DCN: variants seen among roughly 807,000 people sequenced by gnomAD.
DCN encodes the protein bone proteoglycan II.
Under a neutral mutation model 36.5 loss-of-function variants are expected in DCN, and 17 were observed. That is an observed-to-expected ratio of 0.47 (90% confidence interval 0.32 to 0.70). The LOEUF is 0.70. DCN is among the 30% of genes least tolerant of loss of function. The pLI, the probability that DCN is intolerant of heterozygous loss-of-function variation, is 0.04. For synonymous variants in DCN, 163 were observed against 161.4 expected, an observed-to-expected ratio of 1.01 and a Z score of -0.07; for missense variants, 389 against 430.1, an observed-to-expected ratio of 0.90 and a Z score of 0.84.
rs572966684 is a variant in DCN, at chr12:91,142,559, T to C, written c.*3499A>G. The C allele has an allele frequency of 6.6e-6, 1 of 152,238 alleles. No individual in the cohort carries two copies. The highest frequency in any genetic ancestry group is 1.5e-5 in the Non-Finnish European group (1 of 68,044). 9.4% of individuals were successfully genotyped at this position (152,238 alleles called of 1,614,324 possible). A position where few individuals can be genotyped will look rare whatever the true frequency, so the allele number is the denominator to read the frequency against. On this transcript the variant is annotated 3_prime_UTR_variant, in exon 8 of 8. Coordinates refer to ENST00000052754, the MANE Select transcript of DCN (RefSeq NM_001920.5). ...GCAGAAGAAGAGGAGATCCAAGTTA[T>C]GCCTAATTTATGTCATGAGAATTAC...
chr12:91,158,329 T>C lies in DCN; in HGVS notation c.505A>G (p.Thr169Ala), dbSNP rs750064319. Residue 169 changes from threonine to alanine, a missense_variant, in exon 4 of 8, where the codon ACT becomes GCT. Thr to Ala is a moderately conservative substitution (Grantham distance 58, BLOSUM62 0). Transcript: ENST00000052754. ...ATCATCTGGTTCAGTCCATTGAAAG[T>C]AACTTTTCGCACTTTGGTGATCTCA... ...ENEITKVRKV[T>A]FNGLNQMIVI... is the part of the protein sequence containing the mutation. The C allele has an allele frequency of 6.2e-7, 1 of 1,613,378 alleles. No individual in the cohort carries two copies. The highest frequency in any genetic ancestry group is 2.2e-5 in the East Asian group (1 of 44,862).
intron 5 of DCN, among the ~76,000 whole-genome samples, chr12:91,153,998 C>T (rs1881600197): frequency 6.6e-6 from 1 of 152,000 alleles, no homozygotes; most frequent in Non-Finnish European, 1.5e-5. Context: ...TTTAAAATAA[C>T]ATATTGTTCC....
At chr12:91,154,698 C>T (rs1392019257) in intron 5 of DCN, among the ~76,000 whole-genome samples, 1 of 152,158 alleles carries the variant, frequency 6.6e-6, no homozygotes, top group African/African-American at 2.4e-5. Flanking sequence ...TTTGTTTGTT[C>T]ATTTATTTTA....
In DCN at chr12:91,182,773, TGTGACTAGGTTGAAA is replaced by T. The variant is rs1263565362; in HGVS notation, c.-167_-153del. 1 of 152,034 alleles carries T rather than the reference TGTGACTAGGTTGAAA, an allele frequency of 6.6e-6. No individual in the cohort carries two copies. The highest frequency in any genetic ancestry group is 1.5e-5 in the Non-Finnish European group (1 of 67,974). 9.4% of individuals were successfully genotyped at this position (152,034 alleles called of 1,614,324 possible). On this transcript the variant is annotated 5_prime_UTR_variant, in exon 1 of 8. Transcript: ENST00000052754. ...AAGGAGGAGGGGGTAGGTGCTGCTC[TGTGACTAGGTTGAAA>T]ACCTCCTGCTTCTACTCCATAGCAC... is the stretch of plus-strand genomic sequence containing the variant.
intron 3 of DCN, among the ~76,000 whole-genome samples, chr12:91,160,393 C>T (rs3138238): frequency 0.021 from 3,139 of 151,652 alleles, 75 homozygotes; most frequent in African/African-American, 0.059. Flanking sequence ...TTTTTAAAAC[C>T]TGACTTTTAA....
intron 5 of DCN, among the ~76,000 whole-genome samples, chr12:91,155,159 G>A (rs1320987417): frequency 6.6e-6 from 1 of 152,116 alleles, no homozygotes; most frequent in South Asian, 2.1e-4. Context: ...TTAAACACAC[G>A]AGTTCTGACA....
chr12:91,156,767 C>T (rs1881805567), intron 5 of DCN, among the ~76,000 whole-genome samples: 1 of 150,042 alleles, frequency 6.7e-6, no homozygotes, highest in Non-Finnish European at 1.5e-5. Flanking sequence ...TGTGATTTTA[C>T]AATATTATAA....
rs1401960187 is a variant in DCN, at chr12:91,178,299, T to C, written c.211+43A>G. On this transcript the variant is annotated intron_variant, in intron 2 of 7. Transcript: ENST00000052754. Reference sequence around the variant, plus strand: ...CTCTCAGAGTTGCCATTCCCAAGAATAAAACAAGTAAGGTAGGTAAAGAGA... The same window carrying C: ...CTCTCAGAGTTGCCATTCCCAAGAACAAAACAAGTAAGGTAGGTAAAGAGA... 5 of 1,550,768 alleles carry C rather than the reference T, an allele frequency of 3.2e-6. No individual in the cohort carries two copies. In the South Asian group the frequency reaches 3.3e-5, roughly 10 times the overall value.
Position 91,143,336 on chromosome 12 carries a change from G to A in DCN, c.*2722C>T, listed in dbSNP as rs758563374. ...ATAGCAGCTGTGAGTTCCTTACAGA[G>A]GCCAATAAGCAGGAGACAAAAGACA... On this transcript the variant is annotated 3_prime_UTR_variant, in exon 8 of 8. Coordinates refer to ENST00000052754, the MANE Select transcript of DCN (RefSeq NM_001920.5). 6.6e-6 allele frequency: 1 copy of A among 152,244 alleles called. No individual in the cohort carries two copies. The highest frequency in any genetic ancestry group is 1.5e-5 in the Non-Finnish European group (1 of 68,022). 9.4% of individuals were successfully genotyped at this position (152,244 alleles called of 1,614,324 possible).
At position 91,142,224 on chromosome 12, in the gene DCN, C is replaced by T. The variant is rs904193837; in HGVS notation, c.*3834G>A. 3.3e-5 allele frequency: 5 copies of T among 152,280 alleles called. No homozygotes were observed. The highest frequency in any genetic ancestry group is 7.4e-5 in the Non-Finnish European group (5 of 68,026). 9.4% of individuals were successfully genotyped at this position (152,280 alleles called of 1,614,324 possible). On this transcript the variant is annotated 3_prime_UTR_variant, in exon 8 of 8. Coordinates refer to ENST00000052754, the MANE Select transcript of DCN (RefSeq NM_001920.5). The stretch of plus-strand genomic sequence containing the variant: ...ATAACTGCAATGTCGACTCAGCAAC[C>T]TCGAATGTCTGTGCTGCAGGAGAGT...
rs3138207 is a variant in DCN, at chr12:91,167,826, T to C, written c.212-3109A>G. On this transcript the variant is annotated intron_variant, in intron 2 of 7. Transcript: ENST00000052754. ...AGTCCTCACTCCAGAACTATGTTTT[T>C]TGTTTTTGTTTTTGTTTTTGTTTTT... Among the ~76,000 whole-genome samples, 352 of 152,132 alleles carry C rather than the reference T, an allele frequency of 2.3e-3. 3 individuals carry two copies. Among genetic ancestry groups the C allele is most frequent in the African/African-American group, 7.8e-3 (325 of 41,528 alleles).
chr12:91,178,405 G>C lies in DCN; in HGVS notation c.148C>G (p.Leu50Val). 3 of 1,614,030 alleles carry C rather than the reference G, an allele frequency of 1.9e-6. No individual in the cohort carries two copies. Among genetic ancestry groups the C allele is most frequent in the Non-Finnish European group, 2.5e-6 (3 of 1,179,996 alleles). Residue 50 changes from leucine to valine, a missense_variant, in exon 2 of 8, where the codon CTA becomes GTA. Leu to Val is a conservative substitution (Grantham distance 32). Coordinates refer to ENST00000052754, the MANE Select transcript of DCN (RefSeq NM_001920.5). ...VPDDRDFEPS[L>V]GPVCPFRCQC... ...CAGCGGAAGGGGCACACTGGGCCTA[G>C]GGAGGGCTCGAAGTCGCGGTCATCA...
At chr12:91,173,798 A>G (rs1883123066) in intron 2 of DCN, among the ~76,000 whole-genome samples, 1 of 152,170 alleles carries the variant, frequency 6.6e-6, no homozygotes, top group Admixed American at 6.6e-5. Flanking sequence ...TACCTCTTGT[A>G]TAAGGTCTGC....
At chr12:91,170,869 A>C (rs1016139797) in intron 2 of DCN, among the ~76,000 whole-genome samples, 14 of 152,230 alleles carry the variant, frequency 9.2e-5, no homozygotes, top group Non-Finnish European at 1.9e-4. Context: ...TCTTCAAAAA[A>C]TATAAAAACA....
chr12:91,153,308 T>A, intron 5 of DCN, 119 bp from the exon 6 acceptor site: 1 of 711,872 alleles, frequency 1.4e-6, no homozygotes, highest in Non-Finnish European at 2.6e-6. Context: ...TTTCAAAGAA[T>A]CAGCTTTACT....
chr12:91,179,012 T>C (rs1485018151), intron 1 of DCN, among the ~76,000 whole-genome samples: 1 of 152,140 alleles, frequency 6.6e-6, no homozygotes, highest in Non-Finnish European at 1.5e-5. Flanking sequence ...CATCTCTCCA[T>C]CCTACCACAA....
At chr12:91,171,736 C>G (rs770419067) in intron 2 of DCN, among the ~76,000 whole-genome samples, 1 of 152,186 alleles carries the variant, frequency 6.6e-6, no homozygotes, top group Admixed American at 6.5e-5. Flanking sequence ...CCCAGGCTAG[C>G]CTTCTTAAGA....
rs1883304566 is a variant in DCN at position 91,176,614 on chromosome 12, A to AT, written c.211+1727dup. On this transcript the variant is annotated intron_variant, in intron 2 of 7. Transcript: ENST00000052754. ...TCATCAGGGTCAAGGTTTATGAGCT[A>AT]TTTTTTCATGGAAGCAAAGGCAAAC... The AT allele has an allele frequency of 3.9e-5, 6 of 152,216 alleles. No homozygotes were observed. In the South Asian group the frequency reaches 1.0e-3, roughly 26 times the overall value. The allele number at this position is 152,216 out of a possible 1,614,324, so 9.4% of individuals were successfully genotyped here. A position where few individuals can be genotyped will look rare whatever the true frequency, so the allele number is the denominator to read the frequency against.
intron 3 of DCN, among the ~76,000 whole-genome samples, chr12:91,160,570 A>C (rs982724195): frequency 6.6e-6 from 1 of 152,092 alleles, no homozygotes. Flanking sequence ...TTGGCCTGTG[A>C]CTATGAGCAT....
Sources: allele counts gnomAD v4.1 joint callset (sites outside exome capture counted in the v4.1 genomes callset), GRCh38; gene constraint gnomAD v4.1.1; transcripts MANE v1.5; gene names NCBI Gene and HGNC (gene_info 2026-07-23, HGNC 2026-07-21).